FHAD1: variants seen among roughly 807,000 people sequenced by gnomAD.
FHAD1 encodes the protein forkhead-associated domain-containing protein 1.
Under a neutral mutation model 191.3 loss-of-function variants are expected in FHAD1, and 146 were observed. The observed-to-expected ratio is 0.76, with a 90% CI of 0.67 to 0.88. The LOEUF (loss-of-function observed/expected upper bound fraction) is 0.88, where lower values mean the gene tolerates loss of function less well. FHAD1 is among the 40% of genes least tolerant of loss of function. The pLI, the probability that FHAD1 is intolerant of heterozygous loss-of-function variation, is 0.00. For missense variants in FHAD1, 1,635 were observed against 1,785.8 expected, an observed-to-expected ratio of 0.92 and a Z score of 1.52; for synonymous variants, 616 against 672.3, an observed-to-expected ratio of 0.92 and a Z score of 1.29.
chr1:15,359,843 A>C (rs955057864), intron 21 of FHAD1, among the ~76,000 whole-genome samples: 2 of 152,142 alleles, frequency 1.3e-5, no homozygotes, highest in African/African-American at 4.8e-5. Context: ...CCAGCTACTC[A>C]GGAGGCTGAG....
At chr1:15,349,550 A>G (rs996852857) in intron 19 of FHAD1, among the ~76,000 whole-genome samples, 12 of 152,222 alleles carry the variant, frequency 7.9e-5, no homozygotes, top group African/African-American at 2.9e-4. Context: ...GTAGAGCGGC[A>G]TGTGTGCCAC....
At chr1:15,365,700 G>T in intron 23 of FHAD1, 127 bp from the exon 24 acceptor site, 111 of 536,604 alleles carry the variant, frequency 2.1e-4, no homozygotes, top group Middle Eastern at 3.4e-4. Context: ...CTCATCCTTT[G>T]CTGGGACTGG....
chr1:15,258,890 T>C (rs1217639799), intron 2 of FHAD1, among the ~76,000 whole-genome samples: 1 of 152,254 alleles, frequency 6.6e-6, no homozygotes, highest in African/African-American at 2.4e-5. Context: ...CGATATCTCT[T>C]CAAGCCCCTG....
Position 15,358,230 on chromosome 1 carries a change from G to A in FHAD1, c.2683G>A (p.Ala895Thr), listed in dbSNP as rs979426429. The change falls in exon 21 of 34, where the codon GCC becomes ACC. Residue 895 changes from alanine (A) to threonine (T), a missense_variant. Physicochemically the swap from Ala to Thr is moderately conservative, Grantham distance 58. Transcript: ENST00000688493. ...TGAAAGTCTAAAAGCAGAGAGCCTCGCCTTGAAATTAAATGAAACATTAGC... is the reference window on the plus strand; with the variant it reads ...TGAAAGTCTAAAAGCAGAGAGCCTCACCTTGAAATTAAATGAAACATTAGC... ...ATESLKAESL[A>T]LKLNETLAEL... 27 of 1,539,674 alleles carry A rather than the reference G, an allele frequency of 1.8e-5. No individual in the cohort carries two copies. Among genetic ancestry groups the A allele is most frequent in the African/African-American group, 1.7e-4 (12 of 72,068 alleles).
intron 6 of FHAD1, among the ~76,000 whole-genome samples, chr1:15,305,433 G>T (rs1055423656): frequency 2.0e-5 from 3 of 152,140 alleles, no homozygotes; most frequent in Non-Finnish European, 2.9e-5. Flanking sequence ...CTGGAAGCAG[G>T]CAACTAAAGC....
At chr1:15,260,732 G>C (rs1465761766) in intron 2 of FHAD1, among the ~76,000 whole-genome samples, 1 of 152,180 alleles carries the variant, frequency 6.6e-6, no homozygotes, top group African/African-American at 2.4e-5. Flanking sequence ...AGATTTCTCT[G>C]ACCTCCCCGT....
chr1:15,237,037 G>A (rs1644860553), intron 1 of FHAD1, among the ~76,000 whole-genome samples: 1 of 152,186 alleles, frequency 6.6e-6, no homozygotes, highest in South Asian at 2.1e-4. Context: ...TAAGAGGGAC[G>A]CGTTTGCTTC....
Position 15,311,523 on chromosome 1 carries a change from C to T in FHAD1, c.1040-1534C>T, listed in dbSNP as rs1558074721. Among the ~76,000 whole-genome samples, 1 of 152,160 alleles carries T rather than the reference C, an allele frequency of 6.6e-6. No homozygotes were observed. The highest frequency in any genetic ancestry group is 1.9e-4 in the East Asian group (1 of 5,198). ...GCCTCACAAAGCATGCAGGCAAGCC[C>T]CAGAGAGAGCAGTCTGTTTCTAAGG... On this transcript the variant is annotated intron_variant, in intron 7 of 33. Coordinates refer to ENST00000688493, the MANE Select transcript of FHAD1 (RefSeq NM_001391957.1). This position sits in a 1 kb window ranked among gnomAD's most constrained non-coding sequence, Gnocchi z 4.1.
intron 28 of FHAD1, 129 bp from the exon 29 acceptor site, chr1:15,380,572 G>T: frequency 1.5e-6 from 1 of 689,172 alleles, no homozygotes; most frequent in Non-Finnish European, 2.5e-6. Context: ...CAGACGGAAT[G>T]ATCAGGACGC....
rs116626261 is a variant in FHAD1, at chr1:15,267,321, T to C, written c.94-5002T>C. Among the ~76,000 whole-genome samples the C allele has an allele frequency of 4.8e-3, 735 of 152,354 alleles. 6 individuals are homozygous for C. Among genetic ancestry groups the C allele is most frequent in the African/African-American group, 0.017 (705 of 41,584 alleles). ...ATAAATCCCACTTAGTTGTGGTGTATAATTATTTTTATACATTGTTGGATT... is the reference window on the plus strand; with the variant it reads ...ATAAATCCCACTTAGTTGTGGTGTACAATTATTTTTATACATTGTTGGATT... On this transcript the variant is annotated intron_variant, in intron 2 of 33. Coordinates refer to ENST00000688493, the MANE Select transcript of FHAD1 (RefSeq NM_001391957.1).
intron 11 of FHAD1, chr1:15,326,690 C>T (rs563563406): frequency 5.8e-6 from 1 of 173,426 alleles, no homozygotes; most frequent in African/African-American, 2.4e-5. Context: ...GGACTGACAG[C>T]CTCAATATTT....
chr1:15,337,488 A>G (rs1236504249), intron 14 of FHAD1, among the ~76,000 whole-genome samples: 2 of 152,134 alleles, frequency 1.3e-5, no homozygotes, highest in African/African-American at 4.8e-5. Context: ...CCTCTCACTC[A>G]GAGGAGGGGA....
At chr1:15,362,871 A>C (rs1695254273) in intron 23 of FHAD1, 145 bp downstream of exon 23, 1 of 664,698 alleles carries the variant, frequency 1.5e-6, no homozygotes, top group South Asian at 1.8e-5. Context: ...TGCTGCTTCC[A>C]TTTCCCCATT....
intron 32 of FHAD1, among the ~76,000 whole-genome samples, chr1:15,389,221 G>A (rs866222946): frequency 2.5e-4 from 38 of 152,072 alleles, no homozygotes; most frequent in Middle Eastern, 3.4e-3. Context: ...CAAGACAGCC[G>A]GATGGCTTCA....
At chr1:15,328,540 T>C (rs1486113825) in intron 13 of FHAD1, 111 bp downstream of exon 13, 2 of 921,800 alleles carry the variant, frequency 2.2e-6, no homozygotes, top group Non-Finnish European at 3.0e-6. Context: ...ATGCTTGGCT[T>C]TTCTATCCAC....
At chr1:15,326,306 G>A (rs1023985972) in intron 11 of FHAD1, 1 of 152,138 alleles carries the variant, frequency 6.6e-6, no homozygotes, top group African/African-American at 2.4e-5. Context: ...AGAGAAAGTC[G>A]GGCTCCTTTT....
chr1:15,302,081 C>T (rs1668989693), intron 6 of FHAD1, among the ~76,000 whole-genome samples: 1 of 152,196 alleles, frequency 6.6e-6, no homozygotes, highest in African/African-American at 2.4e-5. Flanking sequence ...ACAGCTTGCA[C>T]AGCACGTGAG....
At chr1:15,296,621 C>A (rs562709037) in intron 4 of FHAD1, 63 bp from the exon 5 acceptor site, 8 of 1,300,202 alleles carry the variant, frequency 6.2e-6, no homozygotes, top group East Asian at 2.5e-5. Context: ...ACGTGAACAT[C>A]TTCTTCAGGC....
rs77399219 is a variant in FHAD1, at chr1:15,294,291, C to A, written c.569-2393C>A. 6.0e-4 allele frequency among the ~76,000 whole-genome samples: 92 copies of A among 152,268 alleles called. 1 individual carries two copies. The highest frequency in any genetic ancestry group is 2.1e-3 in the African/African-American group (87 of 41,556). ...TGCTTTGCTTTCGATTTGAAAAATT[C>A]TATTTGGAAACGCAAAGCCAAGGAC... On this transcript the variant is annotated intron_variant, in intron 4 of 33. Coordinates refer to ENST00000688493, the MANE Select transcript of FHAD1 (RefSeq NM_001391957.1).
Sources: allele counts gnomAD v4.1 joint callset (sites outside exome capture counted in the v4.1 genomes callset), GRCh38; gene constraint gnomAD v4.1.1; non-coding constraint Gnocchi (gnomAD v3.1); transcripts MANE v1.5; gene names NCBI Gene and HGNC (gene_info 2026-07-23, HGNC 2026-07-21).